PSMD13: variants seen among roughly 807,000 people sequenced by gnomAD.
The protein encoded by PSMD13 is 26S proteasome non-ATPase regulatory subunit 13.
In PSMD13, 8 loss-of-function variants were observed where a neutral mutation model predicts 57.4. That is an observed-to-expected ratio of 0.14 (90% CI 0.08 to 0.25). The LOEUF (loss-of-function observed/expected upper bound fraction) is 0.25. Ranked by LOEUF, PSMD13 falls within the 10% of genes least tolerant of loss-of-function variation. The pLI is 1.00. For synonymous variants in PSMD13, 193 were observed against 168.2 expected (o/e 1.15, Z -1.14); for missense variants, 400 against 461.5 (o/e 0.87, Z 1.22).
intron 7 of PSMD13, chr11:247,765 G>A (rs569466520): frequency 1.1e-3 from 220 of 202,610 alleles, no homozygotes; most frequent in Non-Finnish European, 2.0e-3. Context: ...CTCGGGAGGT[G>A]GAGGTTGCAG....
intron 1 of PSMD13, among the ~76,000 whole-genome samples, chr11:238,591 A>C (rs1266849940): frequency 3.3e-5 from 5 of 152,130 alleles, no homozygotes; most frequent in Admixed American, 6.5e-5. Flanking sequence ...GAATCACTTG[A>C]TCCTGGGAGG....
intron 6 of PSMD13, among the ~76,000 whole-genome samples, chr11:245,144 T>G (rs1316042679): frequency 6.6e-6 from 1 of 152,166 alleles, no homozygotes; most frequent in Non-Finnish European, 1.5e-5. Context: ...GGTTTCGCCA[T>G]GTTGGCCAGG....
chr11:248,884 A>G, intron 8 of PSMD13, 29 bp downstream of exon 8: 1 of 1,614,134 alleles, frequency 6.2e-7, no homozygotes, highest in Non-Finnish European at 8.5e-7. Context: ...CAGCTTCCTT[A>G]ACGAGAGAGA....
In PSMD13 at chr11:252,628, T is replaced by C; in HGVS notation, c.*28T>C. On this transcript the variant is annotated 3_prime_UTR_variant, in exon 13 of 13. Coordinates refer to ENST00000532097, the MANE Select transcript of PSMD13 (RefSeq NM_002817.4). This position sits in a 1 kb window ranked among gnomAD's most constrained non-coding sequence, Gnocchi z 4.1. Reference sequence around the variant, plus strand: ...CCCCCTGGTTCCCCGTCGTGTCTCCTTTGACTCACCTGAGAGAGGCGTTTG... The same window carrying C: ...CCCCCTGGTTCCCCGTCGTGTCTCCCTTGACTCACCTGAGAGAGGCGTTTG... 1 of 1,605,194 alleles carries C rather than the reference T, an allele frequency of 6.2e-7. No individual in the cohort carries two copies. The highest frequency in any genetic ancestry group is 8.5e-7 in the Non-Finnish European group (1 of 1,172,272).
rs571324681 is a variant in PSMD13 at position 240,168 on chromosome 11, G to T, written c.174+1092G>T. On this transcript the variant is annotated intron_variant, in intron 2 of 12. Transcript: ENST00000532097. ...CTTGTTGCCCGGGCTGGAGTGCAAT[G>T]GTGCGATCTTGGCTCACTGCAACTT... Among the ~76,000 whole-genome samples, 107 of 127,572 alleles carry T rather than the reference G, an allele frequency of 8.4e-4. 1 individual carries two copies. Among genetic ancestry groups the T allele is most frequent in the African/African-American group, 3.0e-3 (106 of 34,956 alleles). 83.7% of individuals were successfully genotyped at this position (127,572 alleles called of 152,430 possible). A position where few individuals can be genotyped will look rare whatever the true frequency, so the allele number is the denominator to read the frequency against.
At chr11:250,135 A>C (rs570302359) in intron 9 of PSMD13, among the ~76,000 whole-genome samples, 1 of 152,266 alleles carries the variant, frequency 6.6e-6, no homozygotes, top group East Asian at 1.9e-4. Context: ...TGACCTGTCC[A>C]GTACTTGTGG....
In PSMD13 at chr11:249,054, G is replaced by A. The variant is rs377054047; in HGVS notation, c.771G>A (p.Gln257=). The change falls in exon 9 of 13, where the codon CAG becomes CAA. Residue 257 remains glutamine, a synonymous_variant. Transcript: ENST00000532097. ...RFQTLKTAWG[Q]QPDLAANEAQ... is the part of the protein sequence containing the mutation. The stretch of plus-strand genomic sequence containing the variant: ...AGACTCTGAAGACTGCCTGGGGCCA[G>A]CAGGTAGGACTCCCACGATGCCCAG... The A allele has an allele frequency of 2.5e-6, 4 of 1,612,152 alleles. No homozygotes were observed. The highest frequency in any genetic ancestry group is 2.7e-5 in the African/African-American group (2 of 75,016).
At position 248,985 on chromosome 11, in the gene PSMD13, T is replaced by G; in HGVS notation, c.702T>G (p.Ile234Met). 6.2e-7 allele frequency: 1 copy of G among 1,614,134 alleles called. No homozygotes were observed. The highest frequency in any genetic ancestry group is 8.5e-7 in the Non-Finnish European group (1 of 1,180,016). The change falls in exon 9 of 13, where the codon ATT (isoleucine) becomes ATG (methionine). Residue 234 changes from isoleucine (I) to methionine (M), a missense_variant. Ile to Met is a conservative substitution (Grantham distance 10). Coordinates refer to ENST00000532097, the MANE Select transcript of PSMD13 (RefSeq NM_002817.4). ...SLRNTDRQWL[I>M]DTLYAFNSGN... ...GGAATACTGACCGGCAGTGGCTGAT[T>G]GACACCCTCTATGCCTTCAACAGTG...
chr11:239,581 G>A (rs1487319680), intron 2 of PSMD13, among the ~76,000 whole-genome samples: 1 of 152,116 alleles, frequency 6.6e-6, no homozygotes, highest in Non-Finnish European at 1.5e-5. Context: ...TCTGTCCTGG[G>A]TAGTGTGGAA....
chr11:240,748 G>A (rs1859495799), intron 2 of PSMD13, among the ~76,000 whole-genome samples: 1 of 152,192 alleles, frequency 6.6e-6, no homozygotes, highest in African/African-American at 2.4e-5. Context: ...ATTAATACAT[G>A]TCAGGAAAGT....
intron 2 of PSMD13, among the ~76,000 whole-genome samples, chr11:241,432 C>A (rs72865315): frequency 0.025 from 3,879 of 152,254 alleles, 63 homozygotes; most frequent in Non-Finnish European, 0.039. Flanking sequence ...GCCACAGCAC[C>A]GGGACAAAAA....
chr11:243,306 C>T, intron 2 of PSMD13: 3 of 399,928 alleles, frequency 7.5e-6, no homozygotes, highest in South Asian at 6.9e-5. Flanking sequence ...TATTGAACAT[C>T]ACGATTCCAT....
intron 5 of PSMD13, 50 bp from the exon 6 acceptor site, chr11:244,625 G>A (rs1409799423): frequency 1.3e-6 from 2 of 1,564,090 alleles, no homozygotes; most frequent in African/African-American, 2.7e-5. Flanking sequence ...TCCTTTGTTA[G>A]TCAACTGCCC....
intron 6 of PSMD13, among the ~76,000 whole-genome samples, chr11:245,086 G>A (rs901399563): frequency 1.9e-4 from 29 of 151,934 alleles, no homozygotes; most frequent in South Asian, 2.1e-4. Flanking sequence ...AATTACAGGC[G>A]CGTGCCTCCC....
At chr11:249,180 A>G (rs1859718252) in intron 9 of PSMD13, 123 bp downstream of exon 9, 2 of 1,367,666 alleles carry the variant, frequency 1.5e-6, no homozygotes, top group South Asian at 1.3e-5. Context: ...AGACCAAGAT[A>G]GGCTAGTCCT....
At position 252,758 on chromosome 11, in the gene PSMD13, C is replaced by T. The variant is rs1859793671; in HGVS notation, c.*158C>T. The T allele has an allele frequency of 1.6e-6, 1 of 641,564 alleles. No homozygotes were observed. Among genetic ancestry groups the T allele is most frequent in the Admixed American group, 2.8e-5 (1 of 35,452 alleles). The allele number at this position is 641,564 out of a possible 1,614,324, so 39.7% of individuals were successfully genotyped here. A position where few individuals can be genotyped will look rare whatever the true frequency, so the allele number is the denominator to read the frequency against. On this transcript the variant is annotated 3_prime_UTR_variant, in exon 13 of 13. Coordinates refer to ENST00000532097, the MANE Select transcript of PSMD13 (RefSeq NM_002817.4). This position sits in a 1 kb window ranked among gnomAD's most constrained non-coding sequence, Gnocchi z 4.1. The stretch of plus-strand genomic sequence containing the variant: ...TCTTGCTCTAAAAACAGGACTGTCC[C>T]TGATGGGAGCCAGGCCACAGGGAGG...
At position 251,969 on chromosome 11, in the gene PSMD13, TG is replaced by T. The variant is rs781332214; in HGVS notation, c.1035+35del. On this transcript the variant is annotated intron_variant, in intron 12 of 12. Transcript: ENST00000532097. The surrounding 1 kb of genome is among the most constrained non-coding windows in gnomAD (Gnocchi z 4.6). ...GTTTGAAACCCATTATTCACCTCTG[TG>T]GATTTTGAGGGGTTGTGTCTATACC... 1 of 1,584,284 alleles carries T rather than the reference TG, an allele frequency of 6.3e-7. No individual in the cohort carries two copies. Among genetic ancestry groups the T allele is most frequent in the Admixed American group, 1.7e-5 (1 of 59,334 alleles).
chr11:240,753 G>T (rs1210634947), intron 2 of PSMD13, among the ~76,000 whole-genome samples: 1 of 152,174 alleles, frequency 6.6e-6, no homozygotes, highest in Non-Finnish European at 1.5e-5. Flanking sequence ...TACATGTCAG[G>T]AAAGTTCAAA....
intron 9 of PSMD13, among the ~76,000 whole-genome samples, chr11:249,621 A>T (rs61876211): frequency 1.6e-5 from 1 of 63,008 alleles, no homozygotes; most frequent in African/African-American, 7.1e-5. Context: ...GTGCGGGGAG[A>T]GGGAGAGGTC....
Sources: allele counts gnomAD v4.1 joint callset (sites outside exome capture counted in the v4.1 genomes callset), GRCh38; gene constraint gnomAD v4.1.1; non-coding constraint Gnocchi (gnomAD v3.1); transcripts MANE v1.5; gene names NCBI Gene and HGNC (gene_info 2026-07-23, HGNC 2026-07-21).